The following DLG2 variants were observed in gnomAD, a reference collection of about 807,000 sequenced individuals.
The protein encoded by DLG2 is discs large MAGUK scaffold protein 2, also known as disks large homolog 2.
Under a neutral mutation model 132.5 loss-of-function variants are expected in DLG2, and 45 were observed. That is an observed-to-expected ratio of 0.34 (90% confidence interval 0.27 to 0.44). DLG2 has a LOEUF of 0.44. Ranked by LOEUF, DLG2 falls within the 20% of genes least tolerant of loss-of-function variation. DLG2 has a pLI of 1.00. For missense variants in DLG2, 1,045 were observed against 1,196.9 expected, an observed-to-expected ratio of 0.87 and a Z score of 1.87; for synonymous variants, 424 against 419.6, an observed-to-expected ratio of 1.01 and a Z score of -0.13.
At chr11:84,234,557 C>G (rs1326858002) in intron 8 of DLG2, among the ~76,000 whole-genome samples, 1 of 152,036 alleles carries the variant, frequency 6.6e-6, no homozygotes, top group Non-Finnish European at 1.5e-5. Context: ...AATTCTAAGC[C>G]CCCCAACCAA....
At chr11:84,901,541 GTTAA>G (rs59525302) in intron 6 of DLG2, among the ~76,000 whole-genome samples, 5,793 of 148,900 alleles carry the variant, frequency 0.039, 384 homozygotes, top group African/African-American at 0.13. Flanking sequence ...TTTGGTGAAA[GTTAA>G]TTAATCTTAA....
At chr11:84,565,769 G>A (rs538200711) in intron 6 of DLG2, among the ~76,000 whole-genome samples, 2 of 152,120 alleles carry the variant, frequency 1.3e-5, no homozygotes, top group African/African-American at 2.4e-5. Flanking sequence ...TTGTATTCAC[G>A]TGAGCTTCCC....
chr11:85,504,313 C>G (rs1339508248), intron 3 of DLG2, among the ~76,000 whole-genome samples: 2 of 151,836 alleles, frequency 1.3e-5, no homozygotes, highest in Non-Finnish European at 2.9e-5. Context: ...ATGGTATTGC[C>G]TAGGTTTTCT....
chr11:84,029,466 T>A (rs762884860), intron 11 of DLG2, among the ~76,000 whole-genome samples: 1 of 151,986 alleles, frequency 6.6e-6, no homozygotes, highest in Non-Finnish European at 1.5e-5. Context: ...TAAGGTCATA[T>A]GCTAAAATGG....
At chr11:85,089,186 A>G (rs538007931) in intron 6 of DLG2, among the ~76,000 whole-genome samples, 1 of 152,010 alleles carries the variant, frequency 6.6e-6, no homozygotes, top group Non-Finnish European at 1.5e-5. Context: ...TTACATGCAT[A>G]TATTGCATGA....
At chr11:83,499,418 T>C (rs1055228164) in intron 21 of DLG2, among the ~76,000 whole-genome samples, 2 of 152,178 alleles carry the variant, frequency 1.3e-5, no homozygotes, top group African/African-American at 4.8e-5. Flanking sequence ...GATTATTTTC[T>C]TGGGATAGAT....
Position 84,688,164 on chromosome 11 carries a change from A to G in DLG2, c.358-153433T>C, listed in dbSNP as rs573529977. On this transcript the variant is annotated intron_variant, in intron 6 of 27. Transcript: ENST00000376104. ...TGAAACATTATAAAGCATAGAAAAA[A>G]TTTGTGTTGCAAAACCTATTTAGCA... Among the ~76,000 whole-genome samples the G allele has an allele frequency of 2.0e-5, 3 of 152,296 alleles. No homozygotes were observed. In the East Asian group the frequency reaches 5.8e-4, roughly 29 times the overall value.
At chr11:84,481,850 T>C (rs938808436) in intron 7 of DLG2, among the ~76,000 whole-genome samples, 2 of 152,206 alleles carry the variant, frequency 1.3e-5, no homozygotes, top group African/African-American at 2.4e-5. Flanking sequence ...TGTAGTAACA[T>C]GAATGCTCCA....
intron 7 of DLG2, among the ~76,000 whole-genome samples, chr11:84,508,357 C>T (rs867850704): frequency 1.3e-5 from 2 of 151,246 alleles, no homozygotes; most frequent in South Asian, 2.1e-4. Flanking sequence ...ATGATTAACA[C>T]ATTTTTAAGC....
At chr11:85,506,296 A>T (rs559771686) in intron 3 of DLG2, among the ~76,000 whole-genome samples, 49 of 151,974 alleles carry the variant, frequency 3.2e-4, no homozygotes, top group African/African-American at 1.1e-3. Flanking sequence ...CAGTTCTTTT[A>T]ATTGTGGTGT....
At chr11:85,595,750 T>A (rs1418319552) in intron 3 of DLG2, among the ~76,000 whole-genome samples, 1 of 152,208 alleles carries the variant, frequency 6.6e-6, no homozygotes, top group Non-Finnish European at 1.5e-5. Flanking sequence ...AAGCAATGTA[T>A]TTAACCATTG....
intron 10 of DLG2, among the ~76,000 whole-genome samples, chr11:84,097,732 G>A (rs891719586): frequency 2.6e-5 from 4 of 151,876 alleles, no homozygotes; most frequent in African/African-American, 7.3e-5. Flanking sequence ...AGAGTTTATT[G>A]AGCCAGTTAT....
chr11:83,906,403 C>T (rs541274694), intron 15 of DLG2, among the ~76,000 whole-genome samples: 7 of 151,782 alleles, frequency 4.6e-5, no homozygotes, highest in Non-Finnish European at 5.9e-5. Context: ...GACATACATA[C>T]ATAGTTCGGG....
intron 6 of DLG2, among the ~76,000 whole-genome samples, chr11:84,614,151 C>T (rs1305735971): frequency 6.6e-6 from 1 of 152,082 alleles, no homozygotes; most frequent in Admixed American, 6.6e-5. Flanking sequence ...GCCTTGAACC[C>T]TGCCAGGTGA....
intron 4 of DLG2, among the ~76,000 whole-genome samples, chr11:85,264,481 A>G (rs973346652): frequency 1.3e-5 from 2 of 152,292 alleles, no homozygotes; most frequent in South Asian, 2.1e-4. Flanking sequence ...TGAAGTCCTA[A>G]TCAACAGGAC....
chr11:85,024,455 C>T (rs988688501), intron 6 of DLG2, among the ~76,000 whole-genome samples: 1 of 152,148 alleles, frequency 6.6e-6, no homozygotes, highest in African/African-American at 2.4e-5. Flanking sequence ...TGACTTTTTT[C>T]CTCAGAATTC....
intron 15 of DLG2, among the ~76,000 whole-genome samples, chr11:83,895,263 G>A (rs1323878404): frequency 1.3e-5 from 2 of 149,718 alleles, no homozygotes; most frequent in Non-Finnish European, 3.0e-5. Flanking sequence ...GGGTTCAAGT[G>A]ATTCTCCTGC....
At chr11:83,742,766 T>C (rs2092627523) in intron 18 of DLG2, among the ~76,000 whole-genome samples, 1 of 152,194 alleles carries the variant, frequency 6.6e-6, no homozygotes, top group Non-Finnish European at 1.5e-5. Flanking sequence ...ATTTTTACAG[T>C]AGAATTAGAA....
At chr11:84,951,739 T>C (rs1399791873) in intron 6 of DLG2, among the ~76,000 whole-genome samples, 1 of 151,410 alleles carries the variant, frequency 6.6e-6, no homozygotes, top group Non-Finnish European at 1.5e-5. Context: ...TAGTGTTTTG[T>C]GATTATTTTA....
Sources: gnomAD v4.1 joint callset for allele counts (sites outside exome capture counted in the v4.1 genomes callset) on GRCh38, gnomAD v4.1.1 for gene constraint, MANE v1.5 for transcripts, NCBI Gene and HGNC (gene_info 2026-07-23, HGNC 2026-07-21) for gene names.